Variants in ATF7 observed in about 807,000 individuals in gnomAD.
ATF7 encodes the protein cyclic AMP-dependent transcription factor ATF-7.
In ATF7, 10 loss-of-function variants were observed where a neutral mutation model predicts 50.4. The ratio of observed to expected loss-of-function variants is 0.20; its 90% confidence interval spans 0.12 to 0.34. The LOEUF (loss-of-function observed/expected upper bound fraction) is 0.34. Ranked by LOEUF, ATF7 falls within the 10% of genes least tolerant of loss-of-function variation. The probability of loss-of-function intolerance (pLI) is 1.00; values close to 1 mark genes in which losing one functional copy is unlikely to be tolerated. For missense variants in ATF7, 465 were observed against 613.9 expected, an observed-to-expected ratio of 0.76 and a Z score of 2.56; for synonymous variants, 201 against 226.4, an observed-to-expected ratio of 0.89 and a Z score of 1.01.
chr12:53,560,445 A>AT (rs1941035377), intron 2 of ATF7, among the ~76,000 whole-genome samples: 1 of 152,150 alleles, frequency 6.6e-6, no homozygotes, highest in African/African-American at 2.4e-5. Context: ...CTAAAACTAA[A>AT]TTTTTGGCTT....
intron 2 of ATF7, among the ~76,000 whole-genome samples, chr12:53,583,835 T>A (rs1942551431): frequency 6.6e-6 from 1 of 152,122 alleles, no homozygotes; most frequent in East Asian, 1.9e-4. Context: ...CAAAGAACTC[T>A]TAAAACTGAA....
At chr12:53,616,874 G>A (rs1944146655) in intron 1 of ATF7, among the ~76,000 whole-genome samples, 1 of 151,408 alleles carries the variant, frequency 6.6e-6, no homozygotes, top group Admixed American at 6.6e-5. Context: ...GAACCTGGGA[G>A]GCGGAGATTG....
At chr12:53,587,843 A>ATTTTTTTTTTTTTTT (rs201692852) in intron 2 of ATF7, among the ~76,000 whole-genome samples, 1 of 61,568 alleles carries the variant, frequency 1.6e-5, no homozygotes, top group African/African-American at 5.1e-5. Flanking sequence ...ATATATATAT[A>ATTTTTTTTTTTTTTT]TTTTTTTTTT....
At chr12:53,617,782 G>GTAACAC (rs1158175414) in intron 1 of ATF7, among the ~76,000 whole-genome samples, 2 of 151,534 alleles carry the variant, frequency 1.3e-5, no homozygotes, top group Non-Finnish European at 2.9e-5. Context: ...TTCCTGAATT[G>GTAACAC]TAACACTCAT....
At chr12:53,520,757 T>C (rs1938072067) in intron 11 of ATF7, among the ~76,000 whole-genome samples, 1 of 152,144 alleles carries the variant, frequency 6.6e-6, no homozygotes, top group Non-Finnish European at 1.5e-5. Context: ...TAATGACAAC[T>C]TCATTCTTGT....
At chr12:53,559,998 C>T (rs1253598042) in intron 2 of ATF7, among the ~76,000 whole-genome samples, 4 of 151,872 alleles carry the variant, frequency 2.6e-5, no homozygotes, top group Non-Finnish European at 5.9e-5. Flanking sequence ...TCTCGGCTCA[C>T]CGCAACCTCC....
At chr12:53,615,745 G>A (rs2137910456) in intron 1 of ATF7, among the ~76,000 whole-genome samples, 1 of 152,082 alleles carries the variant, frequency 6.6e-6, no homozygotes, top group East Asian at 1.9e-4. Flanking sequence ...GAAGTGAGGG[G>A]GTGTGCGTCT....
At position 53,607,011 on chromosome 12, in the gene ATF7, C is replaced by T. The variant is rs1043421663; in HGVS notation, c.-21-5990G>A. ...AAGTCTTTGCTATTGTGAATAGTGC[C>T]GCTATAAACATACGTGTGCATGTGT... On this transcript the variant is annotated intron_variant, in intron 1 of 11. Transcript: ENST00000420353. Among the ~76,000 whole-genome samples the T allele has an allele frequency of 6.6e-5, 10 of 152,050 alleles. No homozygotes were observed. In the South Asian group the frequency reaches 1.0e-3, roughly 16 times the overall value.
At chr12:53,536,109 A>G (rs575044947) in intron 5 of ATF7, among the ~76,000 whole-genome samples, 2 of 152,230 alleles carry the variant, frequency 1.3e-5, no homozygotes, top group East Asian at 3.9e-4. Flanking sequence ...GTCCCTTTCC[A>G]ATCCACACCA....
In ATF7 at chr12:53,611,603, CTTTTT is replaced by C. The variant is rs539034993; in HGVS notation, c.-21-10587_-21-10583del. Among the ~76,000 whole-genome samples, 141 of 152,054 alleles carry C rather than the reference CTTTTT, an allele frequency of 9.3e-4. 1 individual carries two copies. The highest frequency in any genetic ancestry group is 2.6e-3 in the African/African-American group (109 of 41,504). ...AGTTTTTACATTTTTCTTTTCTTTT[CTTTTT>C]GAGACAGAGTCTCACTCTGTTGCCC... On this transcript the variant is annotated intron_variant, in intron 1 of 11. Coordinates refer to ENST00000420353, the MANE Select transcript of ATF7 (RefSeq NM_006856.3).
intron 2 of ATF7, among the ~76,000 whole-genome samples, chr12:53,570,511 G>C (rs573524704): frequency 6.6e-6 from 1 of 152,160 alleles, no homozygotes; most frequent in Non-Finnish European, 1.5e-5. Flanking sequence ...AATGCCTCCA[G>C]TATAGACCTG....
At chr12:53,583,374 T>A (rs2137716389) in intron 2 of ATF7, among the ~76,000 whole-genome samples, 1 of 151,868 alleles carries the variant, frequency 6.6e-6, no homozygotes, top group Middle Eastern at 3.4e-3. Flanking sequence ...TGCCTGATGA[T>A]CTGTCACTAT....
chr12:53,585,228 G>A (rs1193866320), intron 2 of ATF7, among the ~76,000 whole-genome samples: 9 of 151,916 alleles, frequency 5.9e-5, no homozygotes, highest in Admixed American at 2.0e-4. Context: ...CTCCTGCCTC[G>A]GCTTCCCAAA....
At chr12:53,510,342 T>A (rs891413819), downstream of ATF7, among the ~76,000 whole-genome samples, 2 of 152,204 alleles carry the variant, frequency 1.3e-5, no homozygotes, top group Non-Finnish European at 2.9e-5. Flanking sequence ...CCCGGCCAGT[T>A]TACCACTTCT....
chr12:53,574,890 C>T, intron 2 of ATF7: 2 of 342,258 alleles, frequency 5.8e-6, no homozygotes, highest in Non-Finnish European at 5.6e-6. Flanking sequence ...TTCAAGTGTG[C>T]AGAGGGTGAG....
Position 53,559,678 on chromosome 12 carries a change from C to CAAA in ATF7, c.49-7044_49-7042dup, listed in dbSNP as rs34508161. 3.0e-3 allele frequency among the ~76,000 whole-genome samples: 253 copies of CAAA among 85,090 alleles called. 5 individuals are homozygous for CAAA. Among genetic ancestry groups the CAAA allele is most frequent in the African/African-American group, 0.011 (228 of 21,156 alleles). The allele number at this position is 85,090 out of a possible 152,430, so 55.8% of individuals were successfully genotyped here. ...TGGGTGACAGAGTGAGACTCCATCTCAAAAAAAAAAAAAAAAAAGCAAAAA... is the reference window on the plus strand; with the variant it reads ...TGGGTGACAGAGTGAGACTCCATCTCAAAAAAAAAAAAAAAAAAAAAGCAAAAA... On this transcript the variant is annotated intron_variant, in intron 2 of 11. Coordinates refer to ENST00000420353, the MANE Select transcript of ATF7 (RefSeq NM_006856.3).
intron 11 of ATF7, among the ~76,000 whole-genome samples, chr12:53,518,506 G>A (rs1937872031): frequency 6.6e-6 from 1 of 152,140 alleles, no homozygotes; most frequent in South Asian, 2.1e-4. Context: ...ACCCAGGCTG[G>A]AGGTGCCATG....
At chr12:53,551,255 GC>G (rs898273702) in intron 3 of ATF7, among the ~76,000 whole-genome samples, 1 of 152,146 alleles carries the variant, frequency 6.6e-6, no homozygotes, top group African/African-American at 2.4e-5. Flanking sequence ...AAACTCCTGG[GC>G]TCAAGCTATC....
At chr12:53,616,814 G>C (rs982947899) in intron 1 of ATF7, among the ~76,000 whole-genome samples, 2 of 151,480 alleles carry the variant, frequency 1.3e-5, no homozygotes, top group Non-Finnish European at 2.9e-5. Flanking sequence ...GTGTAGCAGC[G>C]TGTGCCTGTA....
Sources: allele counts gnomAD v4.1 joint callset (sites outside exome capture counted in the v4.1 genomes callset), GRCh38; gene constraint gnomAD v4.1.1; transcripts MANE v1.5; gene names NCBI Gene and HGNC (gene_info 2026-07-23, HGNC 2026-07-21).